Variants in UBE2L6 observed in about 807,000 individuals in gnomAD.
The protein encoded by UBE2L6 is ubiquitin/ISG15-conjugating enzyme E2 L6.
UBE2L6 carries 11 observed loss-of-function variants against 13.6 expected under a neutral mutation model. That is an observed-to-expected ratio of 0.81 (90% CI 0.51 to 1.34). UBE2L6 has a LOEUF of 1.34. Among genes scored for constraint, UBE2L6 ranks in the 40% most tolerant of loss-of-function variants. UBE2L6 has a pLI of 0.00. For synonymous variants in UBE2L6, 74 were observed against 83.2 expected (o/e 0.89, Z 0.60); for missense variants, 197 against 199.5 (o/e 0.99, Z 0.07).
Position 57,560,408 on chromosome 11 carries a change from G to A in UBE2L6, c.52C>T (p.Pro18Ser). 6.2e-7 allele frequency: 1 copy of A among 1,613,628 alleles called. No individual in the cohort carries two copies. Among genetic ancestry groups the A allele is most frequent in the Non-Finnish European group, 8.5e-7 (1 of 1,179,858 alleles). Residue 18 changes from proline to serine, a missense_variant, in exon 2 of 4, where the codon CCT becomes TCT. By Grantham distance (74) the Pro-to-Ser change is moderately conservative. Transcript: ENST00000287156. The part of the protein sequence containing the change: ...VKELEDLQKK[P>S]PPYLRNLSSD... ...GACAGGTTCCGCAGGTATGGGGGAGGCTTCTTCTGAAGATCCTCCAGCTCC... is the reference window on the plus strand; with the variant it reads ...GACAGGTTCCGCAGGTATGGGGGAGACTTCTTCTGAAGATCCTCCAGCTCC...
At chr11:57,564,769 C>T (rs1945073891) in intron 1 of UBE2L6, among the ~76,000 whole-genome samples, 1 of 151,524 alleles carries the variant, frequency 6.6e-6, no homozygotes, top group Non-Finnish European at 1.5e-5. Flanking sequence ...TGCCATTGCA[C>T]TCCAGCCTGG....
At chr11:57,564,533 T>C (rs1269223396) in intron 1 of UBE2L6, among the ~76,000 whole-genome samples, 1 of 152,246 alleles carries the variant, frequency 6.6e-6, no homozygotes, top group Non-Finnish European at 1.5e-5. Flanking sequence ...CTGGGCATGG[T>C]GGCTCACGCC....
chr11:57,557,395 CTTT>C (rs35413834), intron 2 of UBE2L6, among the ~76,000 whole-genome samples: 1 of 131,732 alleles, frequency 7.6e-6, no homozygotes, highest in African/African-American at 2.8e-5. Context: ...TGCCATGCTT[CTTT>C]TTTTTTTTTT....
intron 1 of UBE2L6, among the ~76,000 whole-genome samples, chr11:57,565,500 G>A (rs1475651017): frequency 6.6e-6 from 1 of 151,408 alleles, no homozygotes; most frequent in Non-Finnish European, 1.5e-5. Flanking sequence ...AAGTAGCTAG[G>A]ACTACAGCAG....
At chr11:57,566,943 G>GTCCTCC in intron 1 of UBE2L6, 1 of 75,880 alleles carries the variant, frequency 1.3e-5, no homozygotes, top group Non-Finnish European at 2.7e-5. Context: ...GTTCATCTCT[G>GTCCTCC]CCCGCCCCCC....
At chr11:57,559,668 A>G (rs1945024083) in intron 2 of UBE2L6, among the ~76,000 whole-genome samples, 1 of 152,176 alleles carries the variant, frequency 6.6e-6, no homozygotes, top group South Asian at 2.1e-4. Flanking sequence ...TTGATATTCC[A>G]AAGAGCTTTG....
rs373462267 is a variant in UBE2L6, at chr11:57,560,319, G to A, written c.123+18C>T. ...AATTTGGCCCCAATCCAAAGCCATG[G>A]TCCCCATGGATACTCACGGGTAGGA... On this transcript the variant is annotated intron_variant, in intron 2 of 3. Transcript: ENST00000287156. 18 of 1,607,744 alleles carry A rather than the reference G, an allele frequency of 1.1e-5. No homozygotes were observed. The African/African-American group carries it at 2.1e-4, about 19-fold the overall frequency.
At chr11:57,565,318 C>G (rs566607050) in intron 1 of UBE2L6, among the ~76,000 whole-genome samples, 1 of 145,726 alleles carries the variant, frequency 6.9e-6, no homozygotes, top group South Asian at 2.2e-4. Flanking sequence ...AGTTAGTAAG[C>G]GGAAAGACGA....
intron 1 of UBE2L6, among the ~76,000 whole-genome samples, chr11:57,561,478 G>C (rs1945046938): frequency 6.6e-6 from 1 of 152,162 alleles, no homozygotes; most frequent in South Asian, 2.1e-4. Context: ...TGGATATACG[G>C]TAAGGAAGGA....
intron 2 of UBE2L6, among the ~76,000 whole-genome samples, chr11:57,558,658 C>T (rs1043816132): frequency 1.3e-5 from 2 of 152,196 alleles, no homozygotes; most frequent in Non-Finnish European, 2.9e-5. Flanking sequence ...CTATTAGCTT[C>T]GAAAGACTCA....
intron 1 of UBE2L6, among the ~76,000 whole-genome samples, chr11:57,564,225 C>T (rs1187263826): frequency 6.6e-6 from 1 of 152,142 alleles, no homozygotes; most frequent in African/African-American, 2.4e-5. Flanking sequence ...AAACACATAA[C>T]ATACAATGGA....
intron 2 of UBE2L6, among the ~76,000 whole-genome samples, chr11:57,555,134 A>G (rs1347898113): frequency 6.6e-6 from 1 of 152,244 alleles, no homozygotes; most frequent in East Asian, 1.9e-4. Context: ...CAGAATTACC[A>G]TATGATCCAG....
At chr11:57,566,899 G>A in intron 1 of UBE2L6, 2 of 431,462 alleles carry the variant, frequency 4.6e-6, no homozygotes, top group South Asian at 1.6e-5. Context: ...TTGTGTCCCT[G>A]ATAGGAACAA....
chr11:57,558,609 A>G (rs1427884825), intron 2 of UBE2L6, among the ~76,000 whole-genome samples: 2 of 152,166 alleles, frequency 1.3e-5, no homozygotes, highest in African/African-American at 4.8e-5. Context: ...TTAAAACAGC[A>G]CTTGGTCCAC....
intron 1 of UBE2L6, among the ~76,000 whole-genome samples, chr11:57,560,690 G>A (rs888908340): frequency 1.3e-5 from 2 of 149,330 alleles, no homozygotes; most frequent in Admixed American, 6.7e-5. Context: ...GCGCAATCTC[G>A]GCTCCCTGCA....
chr11:57,553,031 A>C (rs1015694178), intron 3 of UBE2L6, among the ~76,000 whole-genome samples: 1 of 151,540 alleles, frequency 6.6e-6, no homozygotes, highest in African/African-American at 2.4e-5. Context: ...TCCAAGGACC[A>C]CTCCTCTCCC....
At chr11:57,560,251 A>AT (rs1389258733) in intron 2 of UBE2L6, 86 bp downstream of exon 2, 1 of 1,047,218 alleles carries the variant, frequency 9.5e-7, no homozygotes, top group Non-Finnish European at 1.5e-6. Flanking sequence ...AGCAGGGAAA[A>AT]TTCTTGCCTA....
At chr11:57,566,232 C>G (rs1480645240) in intron 1 of UBE2L6, among the ~76,000 whole-genome samples, 1 of 152,166 alleles carries the variant, frequency 6.6e-6, no homozygotes. Context: ...AGAACTTTCC[C>G]AAAGCCTGAG....
intron 1 of UBE2L6, 23 bp downstream of exon 1, chr11:57,567,562 G>T: frequency 1.9e-6 from 3 of 1,606,020 alleles, no homozygotes. Context: ...CCAAGAGAAA[G>T]GGGTCATCCT....
Sources: allele counts gnomAD v4.1 joint callset (sites outside exome capture counted in the v4.1 genomes callset), GRCh38; gene constraint gnomAD v4.1.1; transcripts MANE v1.5; gene names NCBI Gene and HGNC (gene_info 2026-07-23, HGNC 2026-07-21).